Variants in NRGN observed in about 807,000 individuals in gnomAD.
The protein encoded by NRGN is calmodulin-binding protein.
For missense variants in NRGN, 82 were observed against 123.0 expected (o/e 0.67, Z 1.58); for synonymous variants, 47 against 52.8 (o/e 0.89, Z 0.47).
Position 124,745,452 on chromosome 11 carries a change from C to T in NRGN, c.16-51C>T, listed in dbSNP as rs370749525. The T allele has an allele frequency of 1.4e-6, 2 of 1,401,636 alleles. No individual in the cohort carries two copies. Among genetic ancestry groups the T allele is most frequent in the Non-Finnish European group, 1.9e-6 (2 of 1,040,714 alleles). The allele number at this position is 1,401,636 out of a possible 1,614,324, so 86.8% of individuals were successfully genotyped here. The stretch of plus-strand genomic sequence containing the variant: ...CAGGGCTCTATTCCTACCCCACTCC[C>T]GCGGATCAAGACCCAGTGACCCCAC... On this transcript the variant is annotated intron_variant, in intron 1 of 3. Transcript: ENST00000284292. The surrounding 1 kb of genome is among the most constrained non-coding windows in gnomAD (Gnocchi z 6.4).
intron 1 of NRGN, among the ~76,000 whole-genome samples, chr11:124,742,532 T>C (rs1943974704): frequency 6.6e-6 from 1 of 152,182 alleles, no homozygotes; most frequent in Non-Finnish European, 1.5e-5. Context: ...TCACCGCGCA[T>C]GAAAAAGCGC....
rs1943998370 is a variant in NRGN, at chr11:124,745,173, T to G, written c.16-330T>G. Among the ~76,000 whole-genome samples the G allele has an allele frequency of 6.6e-6, 1 of 152,120 alleles. No homozygotes were observed. Among genetic ancestry groups the G allele is most frequent in the African/African-American group, 2.4e-5 (1 of 41,418 alleles). On this transcript the variant is annotated intron_variant, in intron 1 of 3. Coordinates refer to ENST00000284292, the MANE Select transcript of NRGN (RefSeq NM_006176.3). The surrounding 1 kb of genome is among the most constrained non-coding windows in gnomAD (Gnocchi z 6.4). ...CCAGGAGTGCCTGCTGCTGTTTTCC[T>G]TGCCCCTCCAAACCCACCCTCCAAT...
Position 124,745,590 on chromosome 11 carries a change from G to A in NRGN, c.103G>A (p.Ala35Thr). 6.2e-7 allele frequency: 1 copy of A among 1,607,664 alleles called. No homozygotes were observed. Among genetic ancestry groups the A allele is most frequent in the Non-Finnish European group, 8.5e-7 (1 of 1,178,204 alleles). ...CAACGCGGCCGCCGCCAAAATCCAG[G>A]CGAGTTTTCGGGGCCACATGGCGCG... ...GANAAAAKIQ[A>T]SFRGHMARKK... Residue 35 changes from alanine to threonine, a missense_variant, in exon 2 of 4, where the codon GCG becomes ACG. Ala to Thr is a moderately conservative substitution (Grantham distance 58, BLOSUM62 0). Coordinates refer to ENST00000284292, the MANE Select transcript of NRGN (RefSeq NM_006176.3). The surrounding 1 kb of genome is among the most constrained non-coding windows in gnomAD (Gnocchi z 6.4).
In NRGN at chr11:124,745,704, G is replaced by T; in HGVS notation, c.217G>T (p.Gly73Cys). ...TGGGGTGGCCCGGGGAGGCGCGGGC[G>T]GCGGCCCCAGCGGAGACTAGGCCAG... ...GAGVARGGAG[G>C]GPSGD is the part of the protein sequence containing the mutation. Residue 73 changes from glycine (G) to cysteine (C), a missense_variant, in exon 2 of 4, where the codon GGC becomes TGC. Coordinates refer to ENST00000284292, the MANE Select transcript of NRGN (RefSeq NM_006176.3). The surrounding 1 kb of genome is among the most constrained non-coding windows in gnomAD (Gnocchi z 6.4). The T allele has an allele frequency of 2.9e-6, 4 of 1,398,546 alleles. No homozygotes were observed. Among genetic ancestry groups the T allele is most frequent in the East Asian group, 2.9e-5 (1 of 34,676 alleles). The allele number at this position is 1,398,546 out of a possible 1,614,324, so 86.6% of individuals were successfully genotyped here.
In NRGN at chr11:124,745,797, A is replaced by G; in HGVS notation, c.*5+68A>G. On this transcript the variant is annotated intron_variant, in intron 2 of 3. Coordinates refer to ENST00000284292, the MANE Select transcript of NRGN (RefSeq NM_006176.3). This position sits in a 1 kb window ranked among gnomAD's most constrained non-coding sequence, Gnocchi z 6.4. ...CAGCCCTCCCCAGGAGCAGGGGGAG[A>G]ATAAGGGCGGGTTGGAGGTGCAGGG... is the stretch of plus-strand genomic sequence containing the variant. 1 of 900,650 alleles carries G rather than the reference A, an allele frequency of 1.1e-6. No homozygotes were observed. The highest frequency in any genetic ancestry group is 1.5e-6 in the Non-Finnish European group (1 of 662,526). 55.8% of individuals were successfully genotyped at this position (900,650 alleles called of 1,614,324 possible). A position where few individuals can be genotyped will look rare whatever the true frequency, so the allele number is the denominator to read the frequency against.
chr11:124,741,154 C>G (rs186302720), intron 1 of NRGN, among the ~76,000 whole-genome samples: 2 of 152,316 alleles, frequency 1.3e-5, no homozygotes, highest in African/African-American at 4.8e-5. Flanking sequence ...GATTTTAACT[C>G]TTATTAGTTT....
Position 124,740,098 on chromosome 11 carries a change from C to A in NRGN, c.14C>A (p.Thr5Asn). 1 of 1,347,240 alleles carries A rather than the reference C, an allele frequency of 7.4e-7. No individual in the cohort carries two copies. The allele number at this position is 1,347,240 out of a possible 1,614,324, so 83.5% of individuals were successfully genotyped here. A position where few individuals can be genotyped will look rare whatever the true frequency, so the allele number is the denominator to read the frequency against. MDCC[T>N]ENACSKPDDD... ...CCCGACACCAGCATGGACTGCTGCA[C>A]CGTAAGTTAGAGGGCCCGGGGGAGG... is the stretch of plus-strand genomic sequence containing the variant. Residue 5 changes from threonine to asparagine, a missense_variant and splice_region_variant, in exon 1 of 4, where the codon ACC (threonine) becomes AAC (asparagine). Transcript: ENST00000284292. This position sits in a 1 kb window ranked among gnomAD's most constrained non-coding sequence, Gnocchi z 7.5.
At chr11:124,743,727 G>A (rs572328074) in intron 1 of NRGN, among the ~76,000 whole-genome samples, 2 of 152,192 alleles carry the variant, frequency 1.3e-5, no homozygotes, top group Non-Finnish European at 2.9e-5. Flanking sequence ...GCAGAATCTG[G>A]CTAGGACAGT....
Position 124,745,750 on chromosome 11 carries a change from C to A in NRGN, c.*5+21C>A. ...GCCAGGTGAGGCGGGCGGCGCGCGG[C>A]TGGCTGACAGCTGCCCTTCCCCAGC... On this transcript the variant is annotated intron_variant, in intron 2 of 3. Transcript: ENST00000284292. The surrounding 1 kb of genome is among the most constrained non-coding windows in gnomAD (Gnocchi z 6.4). 1 of 1,240,018 alleles carries A rather than the reference C, an allele frequency of 8.1e-7. No homozygotes were observed. The highest frequency in any genetic ancestry group is 1.0e-6 in the Non-Finnish European group (1 of 969,362). 76.8% of individuals were successfully genotyped at this position (1,240,018 alleles called of 1,614,324 possible).
rs541820227 is a variant in NRGN at position 124,743,202 on chromosome 11, C to T, written c.16-2301C>T. On this transcript the variant is annotated intron_variant, in intron 1 of 3. Coordinates refer to ENST00000284292, the MANE Select transcript of NRGN (RefSeq NM_006176.3). ...CATGGAGTGTCGGGGGTGGCTTTGC[C>T]TGCTATTCCAGGTTTCCATTCTGGA... Among the ~76,000 whole-genome samples the T allele has an allele frequency of 1.1e-4, 17 of 152,360 alleles. No individual in the cohort carries two copies. The East Asian group carries it at 1.2e-3, about 10-fold the overall frequency.
rs986596737 is a variant in NRGN, at chr11:124,746,791, CTTTCG to C, written c.*414_*418del. 2.6e-5 allele frequency: 4 copies of C among 152,398 alleles called. No individual in the cohort carries two copies. The highest frequency in any genetic ancestry group is 6.5e-5 in the Admixed American group (1 of 15,288). The allele number at this position is 152,398 out of a possible 1,614,324, so 9.4% of individuals were successfully genotyped here. A position where few individuals can be genotyped will look rare whatever the true frequency, so the allele number is the denominator to read the frequency against. The stretch of plus-strand genomic sequence containing the variant: ...CACTCACTTAAAGAAAAAACGAGTT[CTTTCG>C]TTCTGTGCGCAGCTAAAAGGGGCGC... On this transcript the variant is annotated 3_prime_UTR_variant, in exon 4 of 4. Coordinates refer to ENST00000284292, the MANE Select transcript of NRGN (RefSeq NM_006176.3).
In NRGN at chr11:124,745,110, G is replaced by A. The variant is rs1943997710; in HGVS notation, c.16-393G>A. On this transcript the variant is annotated intron_variant, in intron 1 of 3. Coordinates refer to ENST00000284292, the MANE Select transcript of NRGN (RefSeq NM_006176.3). This position sits in a 1 kb window ranked among gnomAD's most constrained non-coding sequence, Gnocchi z 6.4. ...GACTCAGACTGGGTCCTTCTGAGCT[G>A]GAGGTACCCTCTGAGAGCAGGGGGA... 6.6e-6 allele frequency among the ~76,000 whole-genome samples: 1 copy of A among 152,106 alleles called. No individual in the cohort carries two copies. The highest frequency in any genetic ancestry group is 1.5e-5 in the Non-Finnish European group (1 of 68,006).
intron 1 of NRGN, among the ~76,000 whole-genome samples, chr11:124,744,020 T>C (rs1180713009): frequency 6.6e-6 from 1 of 152,120 alleles, no homozygotes. Context: ...CTGCAAGTAA[T>C]GTTAATGCAA....
rs2134447904 is a variant in NRGN at position 124,746,630 on chromosome 11, A to G, written c.*250A>G. 1 of 152,656 alleles carries G rather than the reference A, an allele frequency of 6.6e-6. No homozygotes were observed. Among genetic ancestry groups the G allele is most frequent in the Non-Finnish European group, 1.5e-5 (1 of 68,190 alleles). 9.5% of individuals were successfully genotyped at this position (152,656 alleles called of 1,614,324 possible). Reference sequence around the variant, plus strand: ...TTGCCCTTCCACTCCACCCCACCCTAAACCATGCGCTCCCAATCTTCCTTC... The same window carrying G: ...TTGCCCTTCCACTCCACCCCACCCTGAACCATGCGCTCCCAATCTTCCTTC... On this transcript the variant is annotated 3_prime_UTR_variant, in exon 4 of 4. Coordinates refer to ENST00000284292, the MANE Select transcript of NRGN (RefSeq NM_006176.3).
rs970223377 is a variant in NRGN, at chr11:124,740,522, G to A, written c.15+423G>A. 6.6e-6 allele frequency among the ~76,000 whole-genome samples: 1 copy of A among 152,248 alleles called. No homozygotes were observed. Among genetic ancestry groups the A allele is most frequent in the African/African-American group, 2.4e-5 (1 of 41,468 alleles). On this transcript the variant is annotated intron_variant, in intron 1 of 3. Transcript: ENST00000284292. The surrounding 1 kb of genome is among the most constrained non-coding windows in gnomAD (Gnocchi z 7.5). ...TCCCACTGCGCCGCCGTCGGTGGGC[G>A]GACAGGCTGATCCTCATGACCCTCC...
chr11:124,746,372 A>T (rs1410629308), intron 3 of NRGN, 32 bp from the exon 4 acceptor site: 1 of 152,636 alleles, frequency 6.6e-6, no homozygotes, highest in Non-Finnish European at 1.5e-5. Context: ...GTAGCAGAAG[A>T]GGGCAGGTTC....
chr11:124,745,885 C>T lies in NRGN; in HGVS notation c.*6-80C>T. On this transcript the variant is annotated intron_variant, in intron 2 of 3. Transcript: ENST00000284292. The surrounding 1 kb of genome is among the most constrained non-coding windows in gnomAD (Gnocchi z 6.4). ...GAGATGGGAGGTGGGTGGGAAGAGG[C>T]TGAAGGTTGCGCGGATTCCAGGAGC... is the stretch of plus-strand genomic sequence containing the variant. The T allele has an allele frequency of 2.5e-6, 1 of 396,122 alleles. No individual in the cohort carries two copies. The highest frequency in any genetic ancestry group is 9.6e-5 in the South Asian group (1 of 10,408). 24.5% of individuals were successfully genotyped at this position (396,122 alleles called of 1,614,324 possible).
intron 1 of NRGN, among the ~76,000 whole-genome samples, chr11:124,744,173 C>T (rs747501576): frequency 2.8e-4 from 43 of 152,272 alleles, no homozygotes; most frequent in Middle Eastern, 3.4e-3. Context: ...TAGAGGTGGG[C>T]CTGATTATTA....
intron 1 of NRGN, among the ~76,000 whole-genome samples, chr11:124,742,210 G>A (rs986728574): frequency 1.3e-5 from 2 of 152,230 alleles, no homozygotes; most frequent in Admixed American, 1.3e-4. Flanking sequence ...GTGGAGGGCT[G>A]GACTCAGTGC....
Sources: allele counts gnomAD v4.1 joint callset (sites outside exome capture counted in the v4.1 genomes callset), GRCh38; gene constraint gnomAD v4.1.1; non-coding constraint Gnocchi (gnomAD v3.1); transcripts MANE v1.5; gene names NCBI Gene and HGNC (gene_info 2026-07-23, HGNC 2026-07-21).